The following NHSL2 variants were observed in gnomAD, a reference collection of about 807,000 sequenced individuals.
NHSL2 encodes NHS-like protein 2.
A neutral mutation model predicts 53.4 loss-of-function variants in NHSL2; 27 were observed. That is an observed-to-expected ratio of 0.51 (90% CI 0.37 to 0.70). The LOEUF is 0.70. NHSL2 is among the 30% of genes least tolerant of loss of function. The pLI, the probability that NHSL2 is intolerant of heterozygous loss-of-function variation, is 0.00. For missense variants in NHSL2, 892 were observed against 980.1 expected, an observed-to-expected ratio of 0.91 and a Z score of 1.20; for synonymous variants, 408 against 404.1, an observed-to-expected ratio of 1.01 and a Z score of -0.12.
chrX:72,143,491 C>T lies in NHSL2; in HGVS notation c.3595C>T (p.Leu1199=). The T allele has an allele frequency of 8.6e-7, 1 of 1,166,796 alleles. No homozygotes were observed. Among genetic ancestry groups the T allele is most frequent in the Non-Finnish European group, 1.1e-6 (1 of 872,070 alleles). Residue 1199 remains leucine (L), a synonymous_variant, in exon 8 of 8, where the codon CTG becomes TTG. Coordinates refer to ENST00000633930, the MANE Select transcript of NHSL2 (RefSeq NM_001013627.3). The stretch of plus-strand genomic sequence containing the variant: ...GTCTCGTCCCTCAGCAGCTGAACTT[C>T]TGAAGACCACTAACCCACTGGCTCG... ...PRSRPSAAEL[L]KTTNPLARRI...
At chrX:71,926,074 G>A (rs763954392) in intron 1 of NHSL2, among the ~76,000 whole-genome samples, 5 of 111,523 alleles carry the variant, frequency 4.5e-5, no homozygotes, top group Non-Finnish European at 9.4e-5. Flanking sequence ...TGTCTGGGGG[G>A]GCACAGGGAG....
intron 1 of NHSL2, among the ~76,000 whole-genome samples, chrX:72,079,108 T>G (rs1277516905): frequency 8.9e-6 from 1 of 112,635 alleles, no homozygotes; most frequent in East Asian, 2.8e-4. Flanking sequence ...GAACGAGGGC[T>G]CAATCCATCG....
At chrX:72,059,018 T>A (rs777103415) in intron 1 of NHSL2, among the ~76,000 whole-genome samples, 2 of 111,705 alleles carry the variant, frequency 1.8e-5, no homozygotes, top group Non-Finnish European at 3.8e-5. Context: ...TCCAAGACCT[T>A]GTGACTGCTC....
chrX:72,092,974 T>C (rs964903997), intron 1 of NHSL2, among the ~76,000 whole-genome samples: 1 of 112,710 alleles, frequency 8.9e-6, no homozygotes. Flanking sequence ...AGCACCCACC[T>C]CAGTGCCTAA....
At chrX:72,096,291 GACTA>G (rs2041943319) in intron 1 of NHSL2, among the ~76,000 whole-genome samples, 1 of 111,473 alleles carries the variant, frequency 9.0e-6, no homozygotes, top group Non-Finnish European at 1.9e-5. Flanking sequence ...CTTGGTGACG[GACTA>G]ACTTTTGGGA....
chrX:72,001,450 T>G (rs2042072564), intron 1 of NHSL2, among the ~76,000 whole-genome samples: 1 of 111,867 alleles, frequency 8.9e-6, no homozygotes, highest in Non-Finnish European at 1.9e-5. Context: ...TAAAATGTAC[T>G]TTTCCCACCC....
chrX:71,951,260 A>G (rs1569465825), intron 1 of NHSL2, among the ~76,000 whole-genome samples: 1 of 111,868 alleles, frequency 8.9e-6, no homozygotes, highest in African/African-American at 3.3e-5. Flanking sequence ...CTGACAGGCC[A>G]GGCAAACTAA....
rs1050938500 is a variant in NHSL2 at position 72,143,271 on chromosome X, C to T, written c.3375C>T (p.Leu1125=). The T allele has an allele frequency of 3.6e-5, 42 of 1,155,063 alleles. No individual in the cohort carries two copies. In the African/African-American group the frequency reaches 4.5e-4, roughly 12 times the overall value. ...TATCTAGGTCCAAAAGGAAGCTGCT[C>T]GGCTGGAAGGAACCTGGTGAGGCCT... ...TVIHRSKRKL[L]GWKEPGEAFV... is the part of the protein sequence containing the mutation. The change falls in exon 8 of 8, where the codon CTC becomes CTT. Residue 1125 remains leucine, a synonymous_variant. Coordinates refer to ENST00000633930, the MANE Select transcript of NHSL2 (RefSeq NM_001013627.3).
At chrX:72,135,141 G>A (rs1376172191) in intron 4 of NHSL2, among the ~76,000 whole-genome samples, 1 of 111,297 alleles carries the variant, frequency 9.0e-6, no homozygotes, top group Non-Finnish European at 1.9e-5. Flanking sequence ...CAAGGGAGGA[G>A]TACACCTGGG....
chrX:72,067,832 G>A (rs938435691), intron 1 of NHSL2, among the ~76,000 whole-genome samples: 1 of 111,915 alleles, frequency 8.9e-6, no homozygotes, highest in African/African-American at 3.3e-5. Context: ...CCCCCACTAG[G>A]CTGAGACAGC....
chrX:71,961,967 C>T (rs779165095), intron 1 of NHSL2, among the ~76,000 whole-genome samples: 5 of 112,487 alleles, frequency 4.4e-5, no homozygotes, highest in Non-Finnish European at 7.5e-5. Context: ...GTGTGCCCGG[C>T]CATTTATCCT....
chrX:72,013,826 C>G (rs1463321115), intron 1 of NHSL2, among the ~76,000 whole-genome samples: 1 of 110,793 alleles, frequency 9.0e-6, no homozygotes, highest in Non-Finnish European at 1.9e-5. Flanking sequence ...TTATCAAATG[C>G]TTTTTCTGCA....
At chrX:72,043,558 A>G (rs1001080643) in intron 1 of NHSL2, among the ~76,000 whole-genome samples, 9 of 111,027 alleles carry the variant, frequency 8.1e-5, no homozygotes, top group African/African-American at 3.0e-4. Context: ...TTCGACCCCA[A>G]GCACTCTAGC....
At chrX:71,945,328 C>T (rs748243272) in intron 1 of NHSL2, among the ~76,000 whole-genome samples, 2 of 112,359 alleles carry the variant, frequency 1.8e-5, no homozygotes, top group Non-Finnish European at 3.8e-5. Flanking sequence ...CACTCTGCCT[C>T]ACTGCTGAGA....
In NHSL2 at chrX:72,005,030, A is replaced by G. The variant is rs760194029; in HGVS notation, c.280+93663A>G. Among the ~76,000 whole-genome samples the G allele has an allele frequency of 2.7e-5, 3 of 111,607 alleles. No homozygotes were observed. The Admixed American group carries it at 2.8e-4, about 11-fold the overall frequency. On this transcript the variant is annotated intron_variant, in intron 1 of 7. Transcript: ENST00000633930. ...CCGAGCTAAGGCAGGCTGAGATACA[A>G]ATGCATATTGCCCAAGTTTTGTTCA... is the stretch of plus-strand genomic sequence containing the variant.
intron 1 of NHSL2, among the ~76,000 whole-genome samples, chrX:72,122,131 C>T (rs12393772): frequency 0.14 from 15,579 of 111,598 alleles, 1,107 homozygotes; most frequent in African/African-American, 0.27. Flanking sequence ...ATTTTATGCA[C>T]GTGAAAACAT....
Position 72,148,294 on chromosome X carries a change from T to C in NHSL2, c.*4720T>C, listed in dbSNP as rs781596664. The C allele has an allele frequency of 8.9e-6, 1 of 111,957 alleles. No individual in the cohort carries two copies. The highest frequency in any genetic ancestry group is 3.7e-4 in the South Asian group (1 of 2,672). 9.2% of individuals were successfully genotyped at this position (111,957 alleles called of 1,213,427 possible). A position where few individuals can be genotyped will look rare whatever the true frequency, so the allele number is the denominator to read the frequency against. ...CCAATCAATGTCAGTCGTCCAGTAT[T>C]GGTGGTGATTATTAAACTTATTGGA... is the stretch of plus-strand genomic sequence containing the variant. On this transcript the variant is annotated 3_prime_UTR_variant, in exon 8 of 8. Coordinates refer to ENST00000633930, the MANE Select transcript of NHSL2 (RefSeq NM_001013627.3).
At chrX:72,037,584 CAG>C (rs1344062979) in intron 1 of NHSL2, among the ~76,000 whole-genome samples, 1 of 111,696 alleles carries the variant, frequency 9.0e-6, no homozygotes, top group African/African-American at 3.3e-5. Context: ...ATGCTTCACA[CAG>C]GGGCAGAATG....
chrX:72,032,450 A>G (rs2042220537), intron 1 of NHSL2, among the ~76,000 whole-genome samples: 2 of 110,803 alleles, frequency 1.8e-5, no homozygotes, highest in African/African-American at 3.3e-5. Flanking sequence ...CACCACAAAG[A>G]TCTTCCTCAT....
Sources: allele counts gnomAD v4.1 joint callset (sites outside exome capture counted in the v4.1 genomes callset), GRCh38; gene constraint gnomAD v4.1.1; transcripts MANE v1.5; gene names NCBI Gene and HGNC (gene_info 2026-07-23, HGNC 2026-07-21).